Variants in ATG7 observed in about 807,000 individuals in gnomAD.
ATG7 encodes the protein autophagy related 7, also known as ubiquitin-like modifier-activating enzyme ATG7.
ATG7 carries 70 observed loss-of-function variants against 82.4 expected under a neutral mutation model. The observed-to-expected ratio is 0.85, with a 90% confidence interval of 0.70 to 1.04. The LOEUF (loss-of-function observed/expected upper bound fraction) is 1.04, where lower values mean the gene tolerates loss of function less well. ATG7 is among the 50% of genes least tolerant of loss of function. The pLI is 0.00. For synonymous variants in ATG7, 287 were observed against 313.0 expected (o/e 0.92, Z 0.88); for missense variants, 792 against 864.3 (o/e 0.92, Z 1.05).
intron 20 of ATG7, among the ~76,000 whole-genome samples, chr3:11,443,657 G>A (rs928952132): frequency 6.6e-6 from 1 of 152,160 alleles, no homozygotes; most frequent in Non-Finnish European, 1.5e-5. Context: ...AAAGTGTTGG[G>A]ATTACAGGCC....
At chr3:11,446,416 C>G in intron 20 of ATG7, 1 of 345,894 alleles carries the variant, frequency 2.9e-6, no homozygotes, top group Non-Finnish European at 5.5e-6. Context: ...TTTGTAAATG[C>G]GTTATATAAA....
chr3:11,416,872 C>A (rs892506763), intron 19 of ATG7, among the ~76,000 whole-genome samples: 1 of 152,132 alleles, frequency 6.6e-6, no homozygotes, highest in African/African-American at 2.4e-5. Context: ...TCTTTCCCTG[C>A]ATCTCATGAA....
chr3:11,434,184 C>T (rs1282528387), intron 20 of ATG7, among the ~76,000 whole-genome samples: 1 of 152,172 alleles, frequency 6.6e-6, no homozygotes, highest in Non-Finnish European at 1.5e-5. Context: ...GATTTGGTTC[C>T]TGTGGAATAT....
At chr3:11,428,059 G>C (rs1407167902) in intron 20 of ATG7, among the ~76,000 whole-genome samples, 1 of 152,196 alleles carries the variant, frequency 6.6e-6, no homozygotes, top group Non-Finnish European at 1.5e-5. Flanking sequence ...CCTGTGTCCT[G>C]CAGGGGTAGT....
chr3:11,460,255 T>C (rs1380378070), intron 20 of ATG7, among the ~76,000 whole-genome samples: 2 of 152,334 alleles, frequency 1.3e-5, no homozygotes, highest in Admixed American at 6.5e-5. Flanking sequence ...CTTTCATTGG[T>C]GACATGAGGA....
the ATG7 span, among the ~76,000 whole-genome samples, chr3:11,575,940 G>A: frequency 6.6e-6 from 1 of 152,228 alleles, no homozygotes; most frequent in Non-Finnish European, 1.5e-5. Context: ...GCAGCGCGGA[G>A]CCCGTCCAGG....
chr3:11,374,142 A>C (rs2077221663), intron 18 of ATG7, among the ~76,000 whole-genome samples: 1 of 152,210 alleles, frequency 6.6e-6, no homozygotes, highest in Non-Finnish European at 1.5e-5. Context: ...AGGGACCCAG[A>C]ATACCCAAAA....
intron 20 of ATG7, among the ~76,000 whole-genome samples, chr3:11,541,916 CAT>C (rs2070864765): frequency 6.6e-6 from 1 of 152,260 alleles, no homozygotes; most frequent in South Asian, 2.1e-4. Context: ...GTGGGCCAAA[CAT>C]ATAAATCATA....
chr3:11,455,224 C>T (rs1346508120), intron 20 of ATG7, among the ~76,000 whole-genome samples: 1 of 152,198 alleles, frequency 6.6e-6, no homozygotes, highest in African/African-American at 2.4e-5. Context: ...GCAGCCTTTT[C>T]ATGAAGCAAG....
chr3:11,510,182 C>T (rs1359759348), intron 20 of ATG7: 1 of 456,560 alleles, frequency 2.2e-6, no homozygotes, highest in Non-Finnish European at 4.4e-6. Context: ...TACCCCCTTT[C>T]AGGATCATCT....
chr3:11,307,070 G>T lies in ATG7; in HGVS notation c.333+10G>T. On this transcript the variant is annotated intron_variant, in intron 6 of 20. Coordinates refer to ENST00000693202, the MANE Select transcript of ATG7 (RefSeq NM_001349232.2). ...ACAAGCAGCAAATGAGGTTAGCTGT[G>T]AAAACGTGATGTATGTGTCATATTT... The T allele has an allele frequency of 1.9e-6, 3 of 1,603,618 alleles. No individual in the cohort carries two copies. In the South Asian group the frequency reaches 3.3e-5, roughly 18 times the overall value.
intron 13 of ATG7, among the ~76,000 whole-genome samples, chr3:11,345,048 A>G (rs1288994281): frequency 6.6e-6 from 1 of 152,158 alleles, no homozygotes; most frequent in Non-Finnish European, 1.5e-5. Flanking sequence ...AAATAAATGA[A>G]TTATCTGTTC....
intron 20 of ATG7, among the ~76,000 whole-genome samples, chr3:11,427,977 G>T (rs930664609): frequency 6.6e-6 from 1 of 152,092 alleles, no homozygotes; most frequent in Non-Finnish European, 1.5e-5. Flanking sequence ...TAGTTACCTG[G>T]ATAAAGAAGC....
At position 11,362,904 on chromosome 3, in the gene ATG7, T is replaced by C; in HGVS notation, c.1775T>C (p.Val592Ala). 6.2e-7 allele frequency: 1 copy of C among 1,613,990 alleles called. No individual in the cohort carries two copies. The highest frequency in any genetic ancestry group is 8.5e-7 in the Non-Finnish European group (1 of 1,179,940). ...IAGALAVELM[V>A]SVLQHPEGGY... ...GGAGCCCTGGCCGTGGAATTGATGG[T>C]ATCTGTTTTGCAGCATCCAGAAGGG... Residue 592 changes from valine (V) to alanine (A), a missense_variant, in exon 17 of 21, where the codon GTA (valine) becomes GCA (alanine). Transcript: ENST00000693202.
chr3:11,421,661 A>C (rs2152933108), intron 19 of ATG7, among the ~76,000 whole-genome samples: 1 of 152,340 alleles, frequency 6.6e-6, no homozygotes, highest in South Asian at 2.1e-4. Context: ...TCCTTCCATG[A>C]ATCACGAATA....
At chr3:11,381,679 A>G (rs377497284) in intron 19 of ATG7, among the ~76,000 whole-genome samples, 3 of 152,352 alleles carry the variant, frequency 2.0e-5, no homozygotes, top group African/African-American at 7.2e-5. Flanking sequence ...TCATTTTGAG[A>G]GTCCTGCTTT....
At chr3:11,479,985 T>C (rs1266888743) in intron 20 of ATG7, among the ~76,000 whole-genome samples, 1 of 151,776 alleles carries the variant, frequency 6.6e-6, no homozygotes, top group Non-Finnish European at 1.5e-5. Flanking sequence ...TGGAGTGCAG[T>C]GGCACAATCT....
chr3:11,391,081 CAG>C (rs1475326156), intron 19 of ATG7, among the ~76,000 whole-genome samples: 1 of 152,152 alleles, frequency 6.6e-6, no homozygotes. Context: ...TTTGTCTGAA[CAG>C]AGATCAGGTG....
At position 11,326,947 on chromosome 3, in the gene ATG7, A is replaced by G. The variant is rs183644244; in HGVS notation, c.679-4393A>G. Among the ~76,000 whole-genome samples, 56 of 152,336 alleles carry G rather than the reference A, an allele frequency of 3.7e-4. 1 individual carries two copies. Among genetic ancestry groups the G allele is most frequent in the African/African-American group, 1.3e-3 (52 of 41,580 alleles). On this transcript the variant is annotated intron_variant, in intron 9 of 20. Transcript: ENST00000693202. ...ACCCTGTAATGTTGAGAAAGGAAAG[A>G]AGGAAGGAAAAGGAACTTGCTGAGA... is the stretch of plus-strand genomic sequence containing the variant.
Sources: allele counts gnomAD v4.1 joint callset (sites outside exome capture counted in the v4.1 genomes callset), GRCh38; gene constraint gnomAD v4.1.1; transcripts MANE v1.5; gene names NCBI Gene and HGNC (gene_info 2026-07-23, HGNC 2026-07-21).